PCDHGA1: variants seen among roughly 807,000 people sequenced by gnomAD.
PCDHGA1 encodes protocadherin gamma-A1.
A neutral mutation model predicts 58.0 loss-of-function variants in PCDHGA1; 32 were observed. The ratio of observed to expected loss-of-function variants is 0.55; its 90% CI spans 0.42 to 0.74. The LOEUF (loss-of-function observed/expected upper bound fraction) is 0.74, where lower values mean the gene tolerates loss of function less well. Ranked by LOEUF, PCDHGA1 falls within the 30% of genes least tolerant of loss-of-function variation. The pLI, the probability that PCDHGA1 is intolerant of heterozygous loss-of-function variation, is 0.00. For synonymous variants in PCDHGA1, 498 were observed against 501.1 expected (o/e 0.99, Z 0.08); for missense variants, 1,205 against 1,182.3 (o/e 1.02, Z -0.28).
chr5:141,411,174 A>T (rs574627520), intron 1 of PCDHGA1: 4 of 152,400 alleles, frequency 2.6e-5, no homozygotes, highest in African/African-American at 7.2e-5. Flanking sequence ...GAACAGAAGC[A>T]GTGGTCTTGG....
chr5:141,473,237 A>C (rs2099317600), intron 1 of PCDHGA1, among the ~76,000 whole-genome samples: 1 of 152,194 alleles, frequency 6.6e-6, no homozygotes, highest in African/African-American at 2.4e-5. Context: ...GATCCACACA[A>C]GTGAATACAT....
chr5:141,368,590 A>G (rs914366988), intron 1 of PCDHGA1, among the ~76,000 whole-genome samples: 8 of 152,142 alleles, frequency 5.3e-5, no homozygotes, highest in African/African-American at 9.7e-5. Context: ...GGTGTTTGGG[A>G]AAAAAGTAAA....
chr5:141,388,652 C>A (rs1388425962), intron 1 of PCDHGA1: 1 of 1,613,844 alleles, frequency 6.2e-7, no homozygotes, highest in Non-Finnish European at 8.5e-7. Flanking sequence ...AAAACGTGTA[C>A]CCGGGGACCA....
rs761149166 is a variant in PCDHGA1 at position 141,510,977 on chromosome 5, G to C, written c.2600G>C (p.Gly867Ala). Residue 867 changes from glycine to alanine, a missense_variant, in exon 4 of 4, where the codon GGG (glycine) becomes GCG (alanine). Coordinates refer to ENST00000517417, the MANE Select transcript of PCDHGA1 (RefSeq NM_018912.3). Reference protein sequence around the residue: ...EAADGSSTLGGGAGTMGLSAR... With the variant: ...EAADGSSTLGAGAGTMGLSAR... ...GCTGATGGGAGCTCCACCCTGGGAG[G>C]GGGTGCCGGCACCATGGGATTGAGC... 9 of 1,614,052 alleles carry C rather than the reference G, an allele frequency of 5.6e-6. No individual in the cohort carries two copies. The Admixed American group carries it at 1.3e-4, about 24-fold the overall frequency.
At chr5:141,472,884 G>A (rs1426207609) in intron 1 of PCDHGA1, among the ~76,000 whole-genome samples, 2 of 151,610 alleles carry the variant, frequency 1.3e-5, no homozygotes, top group African/African-American at 4.8e-5. Flanking sequence ...TACTCGGGAG[G>A]CTGAGGCAGG....
At chr5:141,426,858 T>C (rs898486771) in intron 1 of PCDHGA1, 1 of 456,574 alleles carries the variant, frequency 2.2e-6, no homozygotes, top group Non-Finnish European at 4.4e-6. Context: ...CGCTCCAGAA[T>C]TAGTGCTGGA....
chr5:141,355,254 T>G (rs754855559), intron 1 of PCDHGA1: 1 of 1,613,332 alleles, frequency 6.2e-7, no homozygotes, highest in South Asian at 1.1e-5. Flanking sequence ...AGATCTGCCT[T>G]CTCCTGGGGG....
rs1421541308 is a variant in PCDHGA1 at position 141,409,559 on chromosome 5, G to C, written c.2421+76454G>C. On this transcript the variant is annotated intron_variant, in intron 1 of 3. Coordinates refer to ENST00000517417, the MANE Select transcript of PCDHGA1 (RefSeq NM_018912.3). The stretch of plus-strand genomic sequence containing the variant: ...CATCAACGACAACGCCCCAGTTTTC[G>C]ACCAGACGTCCTACGTGGTCCACGT... The C allele has an allele frequency of 1.9e-6, 3 of 1,613,936 alleles. No individual in the cohort carries two copies. The highest frequency in any genetic ancestry group is 1.7e-6 in the Non-Finnish European group (2 of 1,179,910).
At chr5:141,359,719 A>G (rs888615978) in intron 1 of PCDHGA1, among the ~76,000 whole-genome samples, 1 of 152,136 alleles carries the variant, frequency 6.6e-6, no homozygotes, top group Non-Finnish European at 1.5e-5. Flanking sequence ...AAACTTTAAC[A>G]CTCATTTCCC....
chr5:141,375,199 C>G lies in PCDHGA1; in HGVS notation c.2421+42094C>G, dbSNP rs188091361. ...CAGTAATCGCCCTTTTTCAAGTGTT[C>G]GATCGAGACTCTGGCCTGAATGGCC... On this transcript the variant is annotated intron_variant, in intron 1 of 3. Coordinates refer to ENST00000517417, the MANE Select transcript of PCDHGA1 (RefSeq NM_018912.3). The G allele has an allele frequency of 5.2e-5, 84 of 1,613,924 alleles. No individual in the cohort carries two copies. In the East Asian group the frequency reaches 1.8e-3, roughly 35 times the overall value.
chr5:141,384,682 G>A (rs1780361260), intron 1 of PCDHGA1: 1 of 1,614,222 alleles, frequency 6.2e-7, no homozygotes, highest in African/African-American at 1.3e-5. Context: ...GGTGGCGGTG[G>A]ACAAAGATTC....
At chr5:141,498,429 G>T (rs1595525351) in intron 2 of PCDHGA1, among the ~76,000 whole-genome samples, 1 of 152,290 alleles carries the variant, frequency 6.6e-6, no homozygotes, top group East Asian at 1.9e-4. Flanking sequence ...GGAGTGAGGG[G>T]ATGAAGAGGA....
At chr5:141,422,683 G>A in intron 1 of PCDHGA1, 1 of 1,605,286 alleles carries the variant, frequency 6.2e-7, no homozygotes, top group Non-Finnish European at 8.5e-7. Flanking sequence ...CAAACAGAAT[G>A]CCCTGGTCAC....
In PCDHGA1 at chr5:141,374,604, G is replaced by A. The variant is rs538426396; in HGVS notation, c.2421+41499G>A. ...TCCCTTCAGGGATTTAAGCTCAGTG[G>A]TAATAGTCACTTCTCAGTGGACGTG... On this transcript the variant is annotated intron_variant, in intron 1 of 3. Coordinates refer to ENST00000517417, the MANE Select transcript of PCDHGA1 (RefSeq NM_018912.3). 4.6e-5 allele frequency: 75 copies of A among 1,613,652 alleles called. No individual in the cohort carries two copies. In the South Asian group the frequency reaches 6.8e-4, roughly 15 times the overall value.
At chr5:141,345,443 C>T (rs1432015114) in intron 1 of PCDHGA1, 2 of 1,614,120 alleles carry the variant, frequency 1.2e-6, no homozygotes, top group Admixed American at 1.7e-5. Flanking sequence ...GAGGAGCCTC[C>T]ATCTTCTCAG....
At chr5:141,460,741 A>G (rs1378900827) in intron 1 of PCDHGA1, among the ~76,000 whole-genome samples, 1 of 152,128 alleles carries the variant, frequency 6.6e-6, no homozygotes, top group Non-Finnish European at 1.5e-5. Flanking sequence ...CACATTGTAT[A>G]TATATGTGTA....
rs762232178 is a variant in PCDHGA1 at position 141,355,403 on chromosome 5, C to G, written c.2421+22298C>G. 45 of 1,613,938 alleles carry G rather than the reference C, an allele frequency of 2.8e-5. No homozygotes were observed. Among genetic ancestry groups the G allele is most frequent in the Non-Finnish European group, 3.6e-5 (43 of 1,179,932 alleles). On this transcript the variant is annotated intron_variant, in intron 1 of 3. Transcript: ENST00000517417. ...GCGGAGCGCGGAGTCCGCATCGTCT[C>G]CAGAGGTAGGACGCAGCTTTTCGCC...
chr5:141,384,294 C>A, intron 1 of PCDHGA1: 1 of 1,613,864 alleles, frequency 6.2e-7, no homozygotes. Context: ...CTGAGAACAA[C>A]CCCAGAGGGG....
At chr5:141,430,713 T>G in intron 1 of PCDHGA1, 1 of 1,481,944 alleles carries the variant, frequency 6.7e-7, no homozygotes, top group Non-Finnish European at 9.0e-7. Context: ...GCTCCTGACT[T>G]CAGTGGTTAA....
Sources: allele counts gnomAD v4.1 joint callset (sites outside exome capture counted in the v4.1 genomes callset), GRCh38; gene constraint gnomAD v4.1.1; transcripts MANE v1.5; gene names NCBI Gene and HGNC (gene_info 2026-07-23, HGNC 2026-07-21).